The following GOLGA1 variants were observed in gnomAD, a reference collection of about 807,000 sequenced individuals.
The protein encoded by GOLGA1 is golgin A1, also known as golgin subfamily A member 1.
A neutral mutation model predicts 119.7 loss-of-function variants in GOLGA1; 63 were observed. The observed-to-expected ratio is 0.53, with a 90% confidence interval of 0.43 to 0.65. The LOEUF is 0.65. Ranked by LOEUF, GOLGA1 falls within the 30% of genes least tolerant of loss-of-function variation. The pLI, the probability that GOLGA1 is intolerant of heterozygous loss-of-function variation, is 0.00. For missense variants in GOLGA1, 798 were observed against 912.8 expected (o/e 0.87, Z 1.62); for synonymous variants, 318 against 333.4 (o/e 0.95, Z 0.50).
In GOLGA1 at chr9:124,889,310, C is replaced by CGGGGAGGA. The variant is rs1398972733; in HGVS notation, c.1601-15_1601-8dup. 3 of 1,612,426 alleles carry CGGGGAGGA rather than the reference C, an allele frequency of 1.9e-6. No individual in the cohort carries two copies. The highest frequency in any genetic ancestry group is 3.3e-5 in the Admixed American group (2 of 59,942). On this transcript the variant is annotated splice_polypyrimidine_tract_variant and splice_region_variant and intron_variant, in intron 17 of 22. Transcript: ENST00000373555. ...AGCAGGGCAGAGTTGTGACCTAGGT[C>CGGGGAGGA]GGGGAGGAGGGGAGGGGGCACTGTG...
In GOLGA1 at chr9:124,878,812, T is replaced by C. The variant is rs778122312; in HGVS notation, c.*1718A>G. The C allele has an allele frequency of 8.5e-5, 13 of 152,246 alleles. No individual in the cohort carries two copies. The highest frequency in any genetic ancestry group is 6.5e-4 in the Admixed American group (10 of 15,276). The allele number at this position is 152,246 out of a possible 1,614,324, so 9.4% of individuals were successfully genotyped here. A position where few individuals can be genotyped will look rare whatever the true frequency, so the allele number is the denominator to read the frequency against. ...TGGCTGGCTGTGAGCTACCCAGTCT[T>C]AGAGATTCTTTCCTGGAACAGTTGA... is the stretch of plus-strand genomic sequence containing the variant. On this transcript the variant is annotated 3_prime_UTR_variant, in exon 23 of 23. Transcript: ENST00000373555.
intron 6 of GOLGA1, among the ~76,000 whole-genome samples, chr9:124,927,749 T>C (rs981539393): frequency 6.6e-6 from 1 of 152,202 alleles, no homozygotes; most frequent in African/African-American, 2.4e-5. Flanking sequence ...GTCCTGCTGG[T>C]TGGGATTGAA....
intron 1 of GOLGA1, chr9:124,947,335 A>G (rs1213146714): frequency 1.3e-5 from 2 of 152,206 alleles, no homozygotes; most frequent in Admixed American, 1.3e-4. Flanking sequence ...TTTTCAGGTT[A>G]TATCACTAAT....
chr9:124,896,212 G>A (rs1338460066), intron 15 of GOLGA1, among the ~76,000 whole-genome samples: 3 of 151,396 alleles, frequency 2.0e-5, no homozygotes, highest in Admixed American at 1.3e-4. Flanking sequence ...TCAGGAGTTC[G>A]AGACCAGCCT....
chr9:124,921,238 T>G lies in GOLGA1; in HGVS notation c.734A>C (p.Asp245Ala). 1 of 1,585,078 alleles carries G rather than the reference T, an allele frequency of 6.3e-7. No individual in the cohort carries two copies. The highest frequency in any genetic ancestry group is 8.7e-7 in the Non-Finnish European group (1 of 1,153,826). ...RHYSTLEEQR[D>A]HVIASKTGAE... Reference sequence around the variant, plus strand: ...ACCTGTTTTTGAAGCTATCACATGATCTCTTCATCAAAAGAAAGCAGACAA... The same window carrying G: ...ACCTGTTTTTGAAGCTATCACATGAGCTCTTCATCAAAAGAAAGCAGACAA... The change falls in exon 10 of 23, where the codon GAT (aspartate) becomes GCT (alanine). Residue 245 changes from aspartate to alanine, a missense_variant and splice_region_variant. By Grantham distance (126) the Asp-to-Ala change is moderately radical. Transcript: ENST00000373555.
At chr9:124,939,222 T>C (rs1386019498) in intron 2 of GOLGA1, among the ~76,000 whole-genome samples, 2 of 152,168 alleles carry the variant, frequency 1.3e-5, no homozygotes, top group African/African-American at 4.8e-5. Context: ...CAACATCATA[T>C]ATTCATGACT....
rs1164417906 is a variant in GOLGA1, at chr9:124,881,973, A to G, written c.1966-19T>C. On this transcript the variant is annotated intron_variant, in intron 20 of 22. Coordinates refer to ENST00000373555, the MANE Select transcript of GOLGA1 (RefSeq NM_002077.4). The surrounding 1 kb of genome is among the most constrained non-coding windows in gnomAD (Gnocchi z 4.9). ...TGATTTTCTGAAAAACCAGTGGGAA[A>G]GATGCTACACCGAACCCTCTGAGAC... The G allele has an allele frequency of 1.9e-6, 3 of 1,583,622 alleles. No individual in the cohort carries two copies. Among genetic ancestry groups the G allele is most frequent in the South Asian group, 1.1e-5 (1 of 87,704 alleles).
intron 7 of GOLGA1, among the ~76,000 whole-genome samples, chr9:124,926,074 G>T (rs187193057): frequency 4.6e-5 from 7 of 152,108 alleles, no homozygotes; most frequent in African/African-American, 1.4e-4. Flanking sequence ...AATCAGAACC[G>T]CAGCAGGAAA....
upstream of GOLGA1, chr9:124,943,950 C>T (rs777277020): frequency 6.6e-6 from 1 of 152,170 alleles, no homozygotes; most frequent in African/African-American, 2.4e-5. Context: ...TGCTACACAA[C>T]GAAGATAACC....
chr9:124,879,807 C>G lies in GOLGA1; in HGVS notation c.*723G>C, dbSNP rs2131348901. The G allele has an allele frequency of 6.6e-6, 1 of 152,644 alleles. No homozygotes were observed. The highest frequency in any genetic ancestry group is 2.1e-4 in the South Asian group (1 of 4,826). 9.5% of individuals were successfully genotyped at this position (152,644 alleles called of 1,614,324 possible). A position where few individuals can be genotyped will look rare whatever the true frequency, so the allele number is the denominator to read the frequency against. ...ATAAAAAATAGTTTAAAATGGTTTA[C>G]CAGCAACCTATCCAAGACAAGTACA... On this transcript the variant is annotated 3_prime_UTR_variant, in exon 23 of 23. Coordinates refer to ENST00000373555, the MANE Select transcript of GOLGA1 (RefSeq NM_002077.4).
intron 19 of GOLGA1, among the ~76,000 whole-genome samples, chr9:124,887,202 G>A (rs948584238): frequency 2.0e-5 from 3 of 152,214 alleles, no homozygotes; most frequent in Non-Finnish European, 4.4e-5. Flanking sequence ...CTCAAGGGAC[G>A]GAGGTCCTAG....
chr9:124,916,450 T>C (rs1830447843), intron 10 of GOLGA1, among the ~76,000 whole-genome samples: 1 of 151,896 alleles, frequency 6.6e-6, no homozygotes, highest in African/African-American at 2.4e-5. Flanking sequence ...AAAAAGAATA[T>C]AAGAAATACA....
At position 124,921,247 on chromosome 9, in the gene GOLGA1, C is replaced by T; in HGVS notation, c.732-7G>A. The T allele has an allele frequency of 6.5e-7, 1 of 1,533,932 alleles. No homozygotes were observed. Among genetic ancestry groups the T allele is most frequent in the Non-Finnish European group, 9.0e-7 (1 of 1,107,610 alleles). ...TGAAGCTATCACATGATCTCTTCAT[C>T]AAAAGAAAGCAGACAATGAACAAAT... On this transcript the variant is annotated splice_region_variant and splice_polypyrimidine_tract_variant and intron_variant, in intron 9 of 22. Transcript: ENST00000373555.
At chr9:124,919,559 C>T (rs1312551703) in intron 10 of GOLGA1, among the ~76,000 whole-genome samples, 5 of 152,316 alleles carry the variant, frequency 3.3e-5, no homozygotes, top group Non-Finnish European at 7.4e-5. Context: ...CTGTCACTTA[C>T]GGTTATAACT....
intron 7 of GOLGA1, among the ~76,000 whole-genome samples, chr9:124,926,165 C>T (rs530508559): frequency 6.6e-6 from 1 of 152,056 alleles, no homozygotes; most frequent in East Asian, 1.9e-4. Context: ...GTAAGATAGC[C>T]CAAAAGATAA....
At chr9:124,902,183 C>T (rs1439697237) in intron 12 of GOLGA1, among the ~76,000 whole-genome samples, 13 of 152,062 alleles carry the variant, frequency 8.5e-5, no homozygotes, top group Admixed American at 8.5e-4. Context: ...ATGATCTCGG[C>T]TCACTGCAAG....
At chr9:124,935,287 C>T (rs1211300685) in intron 3 of GOLGA1, among the ~76,000 whole-genome samples, 2 of 152,058 alleles carry the variant, frequency 1.3e-5, no homozygotes, top group Non-Finnish European at 2.9e-5. Flanking sequence ...GTTCCATATA[C>T]GTTTTATACA....
At position 124,884,008 on chromosome 9, in the gene GOLGA1, G is replaced by GA. The variant is rs1299235257; in HGVS notation, c.1906-1440dup. The stretch of plus-strand genomic sequence containing the variant: ...TCAACTAAAAACTTCATAATATAGG[G>GA]AAAAAAAATTTTTTTTTTTTTGAGA... On this transcript the variant is annotated intron_variant, in intron 19 of 22. Transcript: ENST00000373555. Among the ~76,000 whole-genome samples, 7 of 151,766 alleles carry GA rather than the reference G, an allele frequency of 4.6e-5. No individual in the cohort carries two copies. In the South Asian group the frequency reaches 8.3e-4, roughly 18 times the overall value.
intron 4 of GOLGA1, among the ~76,000 whole-genome samples, chr9:124,930,152 C>A (rs74776108): frequency 6.6e-6 from 1 of 152,158 alleles, no homozygotes; most frequent in East Asian, 1.9e-4. Context: ...ATAGTGGGCC[C>A]AGTAAATGTC....
Sources: allele counts gnomAD v4.1 joint callset (sites outside exome capture counted in the v4.1 genomes callset), GRCh38; gene constraint gnomAD v4.1.1; non-coding constraint Gnocchi (gnomAD v3.1); transcripts MANE v1.5; gene names NCBI Gene and HGNC (gene_info 2026-07-23, HGNC 2026-07-21).